PTPN9: variants seen among roughly 807,000 people sequenced by gnomAD.
PTPN9 encodes protein tyrosine phosphatase non-receptor type 9.
A neutral mutation model predicts 69.8 loss-of-function variants in PTPN9; 26 were observed. The ratio of observed to expected loss-of-function variants is 0.37; its 90% CI spans 0.27 to 0.52. PTPN9 has a LOEUF of 0.52. Ranked by LOEUF, PTPN9 falls within the 20% of genes least tolerant of loss-of-function variation. The pLI, the probability that PTPN9 is intolerant of heterozygous loss-of-function variation, is 0.91. For missense variants in PTPN9, 549 were observed against 740.3 expected (o/e 0.74, Z 3.00); for synonymous variants, 274 against 272.5 (o/e 1.01, Z -0.05).
intron 4 of PTPN9, among the ~76,000 whole-genome samples, chr15:75,518,318 C>T (rs4322627): frequency 0.34 from 51,885 of 150,896 alleles, 10,175 homozygotes; most frequent in African/African-American, 0.53. Context: ...TGGGAGACAG[C>T]GTGAGATCTT....
At position 75,578,755 on chromosome 15, in the gene PTPN9, G is replaced by T; in HGVS notation, c.22C>A (p.Arg8=). The change falls in exon 1 of 13, where the codon CGG becomes AGG. Residue 8 remains arginine (R), a synonymous_variant. Transcript: ENST00000618819. ...GTCAGCTCCGGCGCCATGTCGGGCC[G>T]GGGCGCGGTCGCGGGCTCCATCCCC... MEPATAP[R]PDMAPELTPE... 1 of 1,294,768 alleles carries T rather than the reference G, an allele frequency of 7.7e-7. No homozygotes were observed. Among genetic ancestry groups the T allele is most frequent in the South Asian group, 2.3e-5 (1 of 43,028 alleles). The allele number at this position is 1,294,768 out of a possible 1,614,324, so 80.2% of individuals were successfully genotyped here. A position where few individuals can be genotyped will look rare whatever the true frequency, so the allele number is the denominator to read the frequency against.
chr15:75,503,610 C>T (rs1389194825), intron 7 of PTPN9, among the ~76,000 whole-genome samples: 54 of 122,132 alleles, frequency 4.4e-4, no homozygotes, highest in South Asian at 5.4e-4. Flanking sequence ...GTCAGCCCCC[C>T]GCCCGGCCAG....
intron 9 of PTPN9, among the ~76,000 whole-genome samples, chr15:75,476,578 G>C (rs1426238031): frequency 1.3e-5 from 2 of 152,190 alleles, no homozygotes; most frequent in Non-Finnish European, 2.9e-5. Flanking sequence ...GCCTCCCAAA[G>C]TGCTGGGATT....
intron 7 of PTPN9, among the ~76,000 whole-genome samples, chr15:75,504,982 G>C (rs1300805477): frequency 1.3e-5 from 2 of 152,164 alleles, no homozygotes; most frequent in Admixed American, 1.3e-4. Context: ...CATTGAGAAC[G>C]GGCCAGGATG....
chr15:75,572,576 G>A (rs1393007541), intron 1 of PTPN9, among the ~76,000 whole-genome samples: 1 of 151,936 alleles, frequency 6.6e-6, no homozygotes, highest in Non-Finnish European at 1.5e-5. Context: ...TTAGTCGGGT[G>A]TGATGGTGCA....
intron 10 of PTPN9, among the ~76,000 whole-genome samples, chr15:75,473,169 T>G (rs568834337): frequency 6.6e-6 from 1 of 152,174 alleles, no homozygotes; most frequent in East Asian, 1.9e-4. Context: ...ACAAGTTAGA[T>G]CTATTCATCT....
At chr15:75,535,605 T>A (rs760032532) in intron 1 of PTPN9, among the ~76,000 whole-genome samples, 5 of 152,196 alleles carry the variant, frequency 3.3e-5, no homozygotes, top group Admixed American at 6.5e-5. Context: ...GGAAAGTGAT[T>A]CAAGATAAGA....
At chr15:75,510,854 T>C (rs2074842320) in intron 5 of PTPN9, among the ~76,000 whole-genome samples, 1 of 152,146 alleles carries the variant, frequency 6.6e-6, no homozygotes, top group South Asian at 2.1e-4. Context: ...CCTGTACCCA[T>C]TAAATAACAT....
At chr15:75,540,152 G>A (rs1202575811) in intron 1 of PTPN9, among the ~76,000 whole-genome samples, 1 of 152,106 alleles carries the variant, frequency 6.6e-6, no homozygotes, top group Admixed American at 6.6e-5. Flanking sequence ...AAAAACAAAA[G>A]TGAAACTGAC....
At chr15:75,483,338 A>G (rs541820512) in intron 8 of PTPN9, among the ~76,000 whole-genome samples, 3 of 152,384 alleles carry the variant, frequency 2.0e-5, no homozygotes, top group Middle Eastern at 3.4e-3. Flanking sequence ...TGATAAATGA[A>G]TAAAAGTGGT....
At chr15:75,490,847 G>A (rs1318651086) in intron 7 of PTPN9, among the ~76,000 whole-genome samples, 6 of 152,006 alleles carry the variant, frequency 3.9e-5, no homozygotes, top group Non-Finnish European at 8.8e-5. Flanking sequence ...GGATGGTCTC[G>A]ATCTCCTGAC....
chr15:75,533,270 T>A (rs2074970665), intron 1 of PTPN9, among the ~76,000 whole-genome samples: 2 of 152,142 alleles, frequency 1.3e-5, no homozygotes, highest in African/African-American at 4.8e-5. Context: ...ATTTGTTTTG[T>A]TTTGCTTTTT....
intron 10 of PTPN9, among the ~76,000 whole-genome samples, chr15:75,471,170 G>T (rs1408080325): frequency 6.6e-6 from 1 of 152,138 alleles, no homozygotes; most frequent in African/African-American, 2.4e-5. Flanking sequence ...GTATAGTGGT[G>T]CATGCCTGTA....
chr15:75,497,173 A>C (rs1321343806), intron 7 of PTPN9, among the ~76,000 whole-genome samples: 2 of 152,176 alleles, frequency 1.3e-5, no homozygotes, highest in Non-Finnish European at 2.9e-5. Flanking sequence ...CAACTTTATA[A>C]TAAATTCTTT....
chr15:75,474,517 T>G (rs557737071), intron 9 of PTPN9, among the ~76,000 whole-genome samples: 6 of 149,606 alleles, frequency 4.0e-5, no homozygotes, highest in African/African-American at 1.5e-4. Flanking sequence ...AGACTCTGTC[T>G]CAAAAAAAAA....
chr15:75,518,168 T>C (rs1309046202), intron 4 of PTPN9, among the ~76,000 whole-genome samples: 1 of 152,088 alleles, frequency 6.6e-6, no homozygotes, highest in Non-Finnish European at 1.5e-5. Flanking sequence ...GCCCAGGAAT[T>C]TGAGACCAGG....
intron 1 of PTPN9, among the ~76,000 whole-genome samples, chr15:75,568,520 A>AAAAAC (rs797007956): frequency 6.8e-6 from 1 of 147,310 alleles, no homozygotes; most frequent in South Asian, 2.2e-4. Context: ...AAAAAAAAAA[A>AAAAAC]AAAACAAAAC....
At chr15:75,489,186 A>AG (rs1224878623) in intron 8 of PTPN9, among the ~76,000 whole-genome samples, 1 of 151,694 alleles carries the variant, frequency 6.6e-6, no homozygotes, top group African/African-American at 2.4e-5. Context: ...AAAAAAAAAA[A>AG]AAAAAAAAAA....
intron 5 of PTPN9, among the ~76,000 whole-genome samples, chr15:75,510,278 T>G (rs2074839323): frequency 6.6e-6 from 1 of 152,184 alleles, no homozygotes; most frequent in Admixed American, 6.5e-5. Flanking sequence ...GACAGGATCT[T>G]GCTGTTGCCC....
Sources: allele counts gnomAD v4.1 joint callset (sites outside exome capture counted in the v4.1 genomes callset), GRCh38; gene constraint gnomAD v4.1.1; transcripts MANE v1.5; gene names NCBI Gene and HGNC (gene_info 2026-07-23, HGNC 2026-07-21).